The following MAPRE1 variants were observed in gnomAD, a reference collection of about 807,000 sequenced individuals.
MAPRE1 encodes the protein microtubule associated protein RP/EB family member 1.
MAPRE1 carries 5 observed loss-of-function variants against 32.1 expected under a neutral mutation model. The observed-to-expected ratio is 0.16, with a 90% CI of 0.08 to 0.33. The LOEUF (loss-of-function observed/expected upper bound fraction) is 0.33. Ranked by LOEUF, MAPRE1 falls within the 10% of genes least tolerant of loss-of-function variation. MAPRE1 has a pLI of 1.00. For synonymous variants in MAPRE1, 122 were observed against 118.9 expected (o/e 1.03, Z -0.17); for missense variants, 209 against 327.2 (o/e 0.64, Z 2.79).
At chr20:32,822,230 C>T (rs528344442) in intron 1 of MAPRE1, among the ~76,000 whole-genome samples, 1 of 152,258 alleles carries the variant, frequency 6.6e-6, no homozygotes, top group Non-Finnish European at 1.5e-5. Flanking sequence ...CAGCATGATG[C>T]ACACGATACA....
Position 32,836,652 on chromosome 20 carries a change from T to C in MAPRE1, c.286T>C (p.Leu96=). ...TCTGCAGATAATTCCTGTGGACAAATTAGTAAAAGGAAAGTTTCAGGACAA... is the reference window on the plus strand; with the variant it reads ...TCTGCAGATAATTCCTGTGGACAAACTAGTAAAAGGAAAGTTTCAGGACAA... ...GVDKIIPVDK[L]VKGKFQDNFE... Residue 96 remains leucine, a synonymous_variant, in exon 4 of 7, where the codon TTA becomes CTA. Transcript: ENST00000375571. 6.2e-7 allele frequency: 1 copy of C among 1,610,130 alleles called. No homozygotes were observed. The highest frequency in any genetic ancestry group is 8.5e-7 in the Non-Finnish European group (1 of 1,176,818).
At chr20:32,841,421 G>A (rs115630625) in intron 5 of MAPRE1, among the ~76,000 whole-genome samples, 1,903 of 151,270 alleles carry the variant, frequency 0.013, 38 homozygotes, top group African/African-American at 0.042. Flanking sequence ...GAGCGTGCCA[G>A]GTTCTGCAGT....
Position 32,826,054 on chromosome 20 carries a change from A to G in MAPRE1, c.121+6A>G. On this transcript the variant is annotated splice_donor_region_variant and intron_variant, in intron 2 of 6. Transcript: ENST00000375571. ...GATCGAACAGTTGTGCTCAGGTAAG[A>G]GAAATCTGCTGGATCATTTTTCTAG... 6.3e-7 allele frequency: 1 copy of G among 1,581,614 alleles called. No homozygotes were observed. The highest frequency in any genetic ancestry group is 1.1e-5 in the South Asian group (1 of 88,714).
intron 1 of MAPRE1, among the ~76,000 whole-genome samples, chr20:32,824,985 C>G (rs1420115368): frequency 1.3e-5 from 2 of 151,658 alleles, no homozygotes; most frequent in Non-Finnish European, 2.9e-5. Context: ...AATCCTGTCT[C>G]TACTAAAAAT....
intron 4 of MAPRE1, among the ~76,000 whole-genome samples, chr20:32,837,811 A>G (rs148463274): frequency 8.5e-5 from 13 of 152,354 alleles, no homozygotes; most frequent in Non-Finnish European, 1.6e-4. Context: ...TGCTGGGCGC[A>G]GTGGCTCATG....
chr20:32,848,045 A>AT (rs754492387), intron 6 of MAPRE1, among the ~76,000 whole-genome samples: 2,133 of 144,836 alleles, frequency 0.015, 34 homozygotes, highest in African/African-American at 0.045. Context: ...TTTGAGGGAA[A>AT]TTTTTTTTTT....
intron 1 of MAPRE1, among the ~76,000 whole-genome samples, chr20:32,823,995 T>G (rs894999805): frequency 6.6e-6 from 1 of 152,200 alleles, no homozygotes; most frequent in Non-Finnish European, 1.5e-5. Flanking sequence ...GAGCCCTATC[T>G]CTAGAGCTTC....
At chr20:32,831,314 G>C (rs1036530078) in intron 2 of MAPRE1, among the ~76,000 whole-genome samples, 2 of 151,930 alleles carry the variant, frequency 1.3e-5, no homozygotes, top group African/African-American at 4.8e-5. Context: ...AATCATACTC[G>C]CATAAAAGTC....
At chr20:32,841,760 A>G (rs1337541160) in intron 5 of MAPRE1, among the ~76,000 whole-genome samples, 2 of 151,986 alleles carry the variant, frequency 1.3e-5, no homozygotes, top group East Asian at 1.9e-4. Flanking sequence ...TGTCTCTGTC[A>G]GTTAACTTCT....
chr20:32,845,885 A>G (rs994765097), intron 5 of MAPRE1, among the ~76,000 whole-genome samples: 8 of 151,966 alleles, frequency 5.3e-5, no homozygotes, highest in African/African-American at 1.7e-4. Flanking sequence ...CAGTGGCTGT[A>G]CCTTTGATTT....
intron 6 of MAPRE1, 115 bp from the exon 7 acceptor site, chr20:32,848,557 C>A: frequency 1.5e-6 from 1 of 678,810 alleles, no homozygotes. Flanking sequence ...AGTCACCTGG[C>A]CTGTATAGAG....
At position 32,846,684 on chromosome 20, in the gene MAPRE1, C is replaced by T. The variant is rs751616832; in HGVS notation, c.664C>T (p.Arg222Trp). 4 of 1,613,802 alleles carry T rather than the reference C, an allele frequency of 2.5e-6. No individual in the cohort carries two copies. The change falls in exon 6 of 7, where the codon CGG (arginine) becomes TGG (tryptophan). Residue 222 changes from arginine (R) to tryptophan (W), a missense_variant. Around this residue, in one of 3 missense-constraint regions of MAPRE1, gnomAD observed 36 missense variants for 71.9 expected, o/e 0.50. Transcript: ENST00000375571. ...KERDFYFGKL[R>W]NIELICQENE... ...GAGGGATTTCTACTTCGGAAAGCTACGGAACATTGAATTGATTTGCCAGGA... is the reference window on the plus strand; with the variant it reads ...GAGGGATTTCTACTTCGGAAAGCTATGGAACATTGAATTGATTTGCCAGGA...
intron 4 of MAPRE1, 42 bp from the exon 5 acceptor site, chr20:32,839,689 TGGGC>T: frequency 6.3e-7 from 1 of 1,595,228 alleles, no homozygotes; most frequent in Admixed American, 1.8e-5. Flanking sequence ...TTTGTTTGTT[TGGGC>T]TGGAATTACT....
At chr20:32,820,147 T>TTCGAGCCGGGTGGGGGAAGGG (rs1982646167) in intron 1 of MAPRE1, 119 bp downstream of exon 1, 1 of 150,594 alleles carries the variant, frequency 6.6e-6, no homozygotes, top group Non-Finnish European at 1.5e-5. Context: ...GGCGGTGCTG[T>TTCGAGCCGGGTGGGGGAAGGG]TCGAGCCGGG....
chr20:32,840,981 G>T (rs574646840), intron 5 of MAPRE1, among the ~76,000 whole-genome samples: 1 of 152,100 alleles, frequency 6.6e-6, no homozygotes, highest in South Asian at 2.1e-4. Flanking sequence ...ACGCCTGGCT[G>T]ATTTTTGTAT....
At chr20:32,826,519 C>CTT (rs71338460) in intron 2 of MAPRE1, among the ~76,000 whole-genome samples, 9,999 of 46,560 alleles carry the variant, frequency 0.21, 2,139 homozygotes, top group East Asian at 0.5. Flanking sequence ...CACGCCCGGC[C>CTT]TTTTTTTTTT....
intron 2 of MAPRE1, among the ~76,000 whole-genome samples, chr20:32,830,945 C>G (rs150071997): frequency 1.3e-5 from 2 of 151,986 alleles, no homozygotes; most frequent in Non-Finnish European, 1.5e-5. Context: ...AGGATGGTCT[C>G]GATCTCCTGA....
intron 2 of MAPRE1, among the ~76,000 whole-genome samples, chr20:32,831,287 AAAAG>A (rs1216516293): frequency 2.0e-5 from 3 of 152,164 alleles, no homozygotes; most frequent in East Asian, 1.9e-4. Context: ...CTAAAAAAGA[AAAAG>A]AAACATGAAG....
At chr20:32,821,593 C>T (rs546503739) in intron 1 of MAPRE1, among the ~76,000 whole-genome samples, 1 of 152,284 alleles carries the variant, frequency 6.6e-6, no homozygotes, top group African/African-American at 2.4e-5. Flanking sequence ...TTTGTTTAAT[C>T]CTTACCACCA....
Sources: gnomAD v4.1 joint callset for allele counts (sites outside exome capture counted in the v4.1 genomes callset) on GRCh38, gnomAD v4.1.1 for gene constraint, gnomAD v4.1.1 regional missense constraint, MANE v1.5 for transcripts, NCBI Gene and HGNC (gene_info 2026-07-23, HGNC 2026-07-21) for gene names.